The following LIN52 variants were observed in gnomAD, a reference collection of about 807,000 sequenced individuals.
LIN52 encodes protein lin-52 homolog.
Under a neutral mutation model 18.5 loss-of-function variants are expected in LIN52, and 4 were observed. The observed-to-expected ratio is 0.22, with a 90% CI of 0.11 to 0.49. The LOEUF (loss-of-function observed/expected upper bound fraction) is 0.49, where lower values mean the gene tolerates loss of function less well. Ranked by LOEUF, LIN52 falls within the 20% of genes least tolerant of loss-of-function variation. The pLI is 0.97. For synonymous variants in LIN52, 34 were observed against 45.5 expected (o/e 0.75, Z 1.02); for missense variants, 102 against 139.5 (o/e 0.73, Z 1.35).
rs1456380755 is a variant in LIN52 at position 74,200,948 on chromosome 14, C to T, written c.*1971C>T. The T allele has an allele frequency of 1.3e-5, 2 of 152,222 alleles. No homozygotes were observed. The highest frequency in any genetic ancestry group is 3.8e-4 in the East Asian group (2 of 5,198). 9.4% of individuals were successfully genotyped at this position (152,222 alleles called of 1,614,324 possible). A position where few individuals can be genotyped will look rare whatever the true frequency, so the allele number is the denominator to read the frequency against. ...AATTGATTGGGATACCTCCCCCAAA[C>T]CAACTCAAGTCTGTAACTGGAAGCC... On this transcript the variant is annotated 3_prime_UTR_variant, in exon 6 of 6. Transcript: ENST00000555028.
intron 5 of LIN52, among the ~76,000 whole-genome samples, chr14:74,166,396 G>A (rs987776140): frequency 3.4e-5 from 5 of 149,194 alleles, no homozygotes; most frequent in Non-Finnish European, 5.9e-5. Context: ...TGCATTTTTA[G>A]TAGAGATGGG....
chr14:74,098,531 T>G (rs1429179988), intron 4 of LIN52, among the ~76,000 whole-genome samples: 1 of 149,516 alleles, frequency 6.7e-6, no homozygotes, highest in African/African-American at 2.5e-5. Context: ...AAAAAAAAAG[T>G]TAAAAAATTT....
chr14:74,120,433 A>C (rs1415775317), intron 5 of LIN52, among the ~76,000 whole-genome samples: 2 of 151,280 alleles, frequency 1.3e-5, no homozygotes, highest in African/African-American at 4.9e-5. Context: ...AGCCTGACCA[A>C]TATGGTGAAA....
At chr14:74,122,646 A>G (rs935412958) in intron 5 of LIN52, among the ~76,000 whole-genome samples, 25 of 152,108 alleles carry the variant, frequency 1.6e-4, no homozygotes, top group African/African-American at 5.6e-4. Flanking sequence ...TGGGCAGATC[A>G]CTTGAGGTCA....
In LIN52 at chr14:74,085,001, C is replaced by A. The variant is rs764831441; in HGVS notation, c.19+8C>A. ...TGGCGTCTCCCACAGACGGTAAGAG[C>A]CGGCTTAGAGATCTTTGCCTGCAGC... On this transcript the variant is annotated splice_region_variant and intron_variant, in intron 1 of 5. Coordinates refer to ENST00000555028, the MANE Select transcript of LIN52 (RefSeq NM_001024674.3). The A allele has an allele frequency of 3.6e-6, 5 of 1,403,162 alleles. No individual in the cohort carries two copies. The highest frequency in any genetic ancestry group is 2.7e-5 in the East Asian group (1 of 36,744). 86.9% of individuals were successfully genotyped at this position (1,403,162 alleles called of 1,614,324 possible). A position where few individuals can be genotyped will look rare whatever the true frequency, so the allele number is the denominator to read the frequency against.
chr14:74,191,186 A>G (rs935470070), intron 5 of LIN52, among the ~76,000 whole-genome samples: 1 of 152,206 alleles, frequency 6.6e-6, no homozygotes, highest in Admixed American at 6.5e-5. Flanking sequence ...AGCATTATAA[A>G]TCACATTGCT....
chr14:74,158,254 C>T lies in LIN52; in HGVS notation c.284-40668C>T, dbSNP rs142328786. 1.7e-3 allele frequency among the ~76,000 whole-genome samples: 254 copies of T among 151,428 alleles called. 10 individuals are homozygous for T. The East Asian group carries it at 0.045, about 27-fold the overall frequency. On this transcript the variant is annotated intron_variant, in intron 5 of 5. Transcript: ENST00000555028. Reference sequence around the variant, plus strand: ...CTCAGCCTCCCGAGAGCCAGGATTACAGGTGCGCGTCACATGCCCGGCTAA... The same window carrying T: ...CTCAGCCTCCCGAGAGCCAGGATTATAGGTGCGCGTCACATGCCCGGCTAA...
At chr14:74,176,907 G>T (rs1478369777) in intron 5 of LIN52, among the ~76,000 whole-genome samples, 3 of 151,912 alleles carry the variant, frequency 2.0e-5, no homozygotes, top group African/African-American at 7.3e-5. Context: ...CTATCTCTGG[G>T]TTTTATTTCA....
intron 5 of LIN52, among the ~76,000 whole-genome samples, chr14:74,152,687 C>T (rs912557101): frequency 1.3e-5 from 2 of 151,708 alleles, no homozygotes; most frequent in African/African-American, 2.4e-5. Context: ...GCCAGCTGGG[C>T]GCAGTGGCTT....
At chr14:74,131,907 C>T (rs1595168852) in intron 5 of LIN52, among the ~76,000 whole-genome samples, 1 of 152,116 alleles carries the variant, frequency 6.6e-6, no homozygotes, top group Admixed American at 6.5e-5. Context: ...TGGAAGGAAT[C>T]TTAGAGATAG....
intron 5 of LIN52, among the ~76,000 whole-genome samples, chr14:74,136,151 T>C (rs76342713): frequency 2.3e-3 from 352 of 152,360 alleles, no homozygotes; most frequent in African/African-American, 6.1e-3. Context: ...CCTAGAGTTA[T>C]TGTGCTAGTG....
At chr14:74,144,103 C>T (rs1237587425) in intron 5 of LIN52, among the ~76,000 whole-genome samples, 1 of 149,872 alleles carries the variant, frequency 6.7e-6, no homozygotes, top group East Asian at 2.0e-4. Flanking sequence ...CATGTTGTCA[C>T]ACATGACAAG....
intron 5 of LIN52, among the ~76,000 whole-genome samples, chr14:74,101,481 C>T (rs1237343672): frequency 3.5e-5 from 5 of 142,406 alleles, no homozygotes; most frequent in African/African-American, 1.1e-4. Context: ...TTTTTTGAGA[C>T]GGAGTCTCGC....
intron 5 of LIN52, among the ~76,000 whole-genome samples, chr14:74,162,572 A>T (rs1351985899): frequency 6.6e-6 from 1 of 151,838 alleles, no homozygotes; most frequent in Non-Finnish European, 1.5e-5. Context: ...TGAAAAAAAA[A>T]TATTAGAGAT....
In LIN52 at chr14:74,091,246, G is replaced by C; in HGVS notation, c.34G>C (p.Ala12Pro). The C allele has an allele frequency of 6.2e-7, 1 of 1,610,968 alleles. No homozygotes were observed. The highest frequency in any genetic ancestry group is 8.5e-7 in the Non-Finnish European group (1 of 1,177,428). The change falls in exon 2 of 6, where the codon GCA (alanine) becomes CCA (proline). Residue 12 changes from alanine to proline, a missense_variant. Ala to Pro is a conservative substitution (Grantham distance 27, BLOSUM62 -1). Transcript: ENST00000555028. ...TTTTGTTCTAGGGACAGATCTGGAA[G>C]CATCTTTGCTAAGTTTTGAAAAACT... is the stretch of plus-strand genomic sequence containing the variant. ...ASPTDGTDLE[A>P]SLLSFEKLDR...
chr14:74,099,610 A>G lies in LIN52; in HGVS notation c.200-1545A>G, dbSNP rs3082881. Among the ~76,000 whole-genome samples, 649 of 121,328 alleles carry G rather than the reference A, an allele frequency of 5.3e-3. 3 individuals carry two copies. The highest frequency in any genetic ancestry group is 7.9e-3 in the Non-Finnish European group (452 of 56,948). 79.6% of individuals were successfully genotyped at this position (121,328 alleles called of 152,430 possible). On this transcript the variant is annotated intron_variant, in intron 4 of 5. Coordinates refer to ENST00000555028, the MANE Select transcript of LIN52 (RefSeq NM_001024674.3). ...TTTGTGTGTGTGTGTGTGTGTGTGTATGTGTGTGCAAGAGACTGGAGTTTT... is the reference window on the plus strand; with the variant it reads ...TTTGTGTGTGTGTGTGTGTGTGTGTGTGTGTGTGCAAGAGACTGGAGTTTT...
intron 4 of LIN52, among the ~76,000 whole-genome samples, chr14:74,098,554 T>G (rs1309876869): frequency 6.6e-6 from 1 of 151,526 alleles, no homozygotes; most frequent in African/African-American, 2.4e-5. Flanking sequence ...ACTCTGGTTT[T>G]TTTTTTTTTT....
chr14:74,087,397 G>C (rs991674469), intron 1 of LIN52, among the ~76,000 whole-genome samples: 1 of 132,500 alleles, frequency 7.5e-6, no homozygotes, highest in African/African-American at 2.9e-5. Flanking sequence ...GCCTGGGACA[G>C]AGCGAGACTC....
At chr14:74,121,732 T>C (rs1036641138) in intron 5 of LIN52, among the ~76,000 whole-genome samples, 10 of 151,780 alleles carry the variant, frequency 6.6e-5, no homozygotes, top group Admixed American at 6.6e-4. Context: ...TTTCTTTTTT[T>C]TTTTTTTTTA....
Sources: gnomAD v4.1 joint callset for allele counts (sites outside exome capture counted in the v4.1 genomes callset) on GRCh38, gnomAD v4.1.1 for gene constraint, MANE v1.5 for transcripts, NCBI Gene and HGNC (gene_info 2026-07-23, HGNC 2026-07-21) for gene names.